PIK3CG: variants seen among roughly 807,000 people sequenced by gnomAD.
PIK3CG encodes phosphatidylinositol 4,5-bisphosphate 3-kinase catalytic subunit gamma isoform.
PIK3CG carries 55 observed loss-of-function variants against 102.3 expected under a neutral mutation model. The ratio of observed to expected loss-of-function variants is 0.54; its 90% confidence interval spans 0.43 to 0.67. PIK3CG has a LOEUF of 0.67. PIK3CG is among the 30% of genes least tolerant of loss of function. The pLI is 0.00. For missense variants in PIK3CG, 1,258 were observed against 1,391.8 expected, an observed-to-expected ratio of 0.90 and a Z score of 1.53; for synonymous variants, 552 against 540.0, an observed-to-expected ratio of 1.02 and a Z score of -0.31.
In PIK3CG at chr7:106,867,848, T is replaced by G; in HGVS notation, c.287T>G (p.Phe96Cys). 6.2e-7 allele frequency: 1 copy of G among 1,612,762 alleles called. No homozygotes were observed. Among genetic ancestry groups the G allele is most frequent in the Non-Finnish European group, 8.5e-7 (1 of 1,179,972 alleles). ...TACCACCGGCTGGGACCGCATCACT[T>G]CCTCCTGCTCTATCAGAAGAAGGGG... Reference protein sequence around the residue: ...DFYHRLGPHHFLLLYQKKGQW... With the variant: ...DFYHRLGPHHCLLLYQKKGQW... Residue 96 changes from phenylalanine (F) to cysteine (C), a missense_variant, in exon 2 of 11, where the codon TTC becomes TGC. This residue lies in a region of PIK3CG where 832 missense variants were observed against 787.5 expected (regional missense o/e 1.06). Transcript: ENST00000496166. The surrounding 1 kb of genome is among the most constrained non-coding windows in gnomAD (Gnocchi z 5.1).
chr7:106,871,758 A>G (rs1790536612), intron 2 of PIK3CG, among the ~76,000 whole-genome samples: 2 of 152,234 alleles, frequency 1.3e-5, no homozygotes, highest in South Asian at 4.1e-4. Flanking sequence ...CACTCACAAG[A>G]TTTAATTGTG....
At position 106,877,958 on chromosome 7, in the gene PIK3CG, A is replaced by G. The variant is rs1447446011; in HGVS notation, c.2392-1561A>G. 6.6e-6 allele frequency among the ~76,000 whole-genome samples: 1 copy of G among 152,232 alleles called. No homozygotes were observed. Among genetic ancestry groups the G allele is most frequent in the East Asian group, 1.9e-4 (1 of 5,204 alleles). ...AAAAAATAGACTTAACAGACTTAAT[A>G]GATGAAATAATTTTTAACTATTCAC... On this transcript the variant is annotated intron_variant, in intron 5 of 10. Coordinates refer to ENST00000496166, the MANE Select transcript of PIK3CG (RefSeq NM_001282426.2). This position sits in a 1 kb window ranked among gnomAD's most constrained non-coding sequence, Gnocchi z 4.5.
chr7:106,867,614 GA>G lies in PIK3CG; in HGVS notation c.55del (p.Arg19GlyfsTer5). ...GTGGTGCTGAGAGAGGACAACTGCC[GA>G]AGGCGCCGGAGGATGAAGCCGCGCA... The part of the protein sequence containing the change: ...QPVVLREDNC[R>X]RRRRMKPRSA... On this transcript the variant is annotated frameshift_variant, in exon 2 of 11. Coordinates refer to ENST00000496166, the MANE Select transcript of PIK3CG (RefSeq NM_001282426.2). LOFTEE classifies it high-confidence loss of function. This position sits in a 1 kb window ranked among gnomAD's most constrained non-coding sequence, Gnocchi z 5.1. 1 of 1,609,310 alleles carries G rather than the reference GA, an allele frequency of 6.2e-7. No individual in the cohort carries two copies. Among genetic ancestry groups the G allele is most frequent in the Non-Finnish European group, 8.5e-7 (1 of 1,178,146 alleles).
Position 106,883,180 on chromosome 7 carries a change from T to C in PIK3CG, c.2760+17T>C. Reference sequence around the variant, plus strand: ...GAAGAAAAGGTGAGCTCATGCTTTTTCCCAGTCTAATGGCTCCTTACAAGT... The same window carrying C: ...GAAGAAAAGGTGAGCTCATGCTTTTCCCCAGTCTAATGGCTCCTTACAAGT... On this transcript the variant is annotated intron_variant, in intron 8 of 10. Coordinates refer to ENST00000496166, the MANE Select transcript of PIK3CG (RefSeq NM_001282426.2). This position sits in a 1 kb window ranked among gnomAD's most constrained non-coding sequence, Gnocchi z 5.8. 1.9e-6 allele frequency: 3 copies of C among 1,613,940 alleles called. No homozygotes were observed. Among genetic ancestry groups the C allele is most frequent in the Non-Finnish European group, 2.5e-6 (3 of 1,179,864 alleles).
Position 106,902,031 on chromosome 7 carries a change from G to A in PIK3CG, c.3031-3078G>A, listed in dbSNP as rs967300396. On this transcript the variant is annotated intron_variant, in intron 10 of 10. Transcript: ENST00000496166. The surrounding 1 kb of genome is among the most constrained non-coding windows in gnomAD (Gnocchi z 4.3). ...TGTAGATCATGACTTGGCACTCCTCGGATGCCCACTGCAGCTCTTGTGTAA... is the reference window on the plus strand; with the variant it reads ...TGTAGATCATGACTTGGCACTCCTCAGATGCCCACTGCAGCTCTTGTGTAA... Among the ~76,000 whole-genome samples, 1 of 152,142 alleles carries A rather than the reference G, an allele frequency of 6.6e-6. No homozygotes were observed. Among genetic ancestry groups the A allele is most frequent in the African/African-American group, 2.4e-5 (1 of 41,406 alleles).
At position 106,867,981 on chromosome 7, in the gene PIK3CG, G is replaced by A. The variant is rs560544117; in HGVS notation, c.420G>A (p.Arg140=). Residue 140 remains arginine (R), a synonymous_variant, in exon 2 of 11, where the codon CGG becomes CGA. Transcript: ENST00000496166. This position sits in a 1 kb window ranked among gnomAD's most constrained non-coding sequence, Gnocchi z 5.1. ...RSPGQIHLVQ[R]HPPSEESQAF... ...CGGGCCAGATCCACCTGGTGCAGCGGCACCCGCCCTCCGAGGAGTCCCAAG... is the reference window on the plus strand; with the variant it reads ...CGGGCCAGATCCACCTGGTGCAGCGACACCCGCCCTCCGAGGAGTCCCAAG... 13 of 1,612,158 alleles carry A rather than the reference G, an allele frequency of 8.1e-6. No individual in the cohort carries two copies. The African/African-American group carries it at 1.3e-4, about 17-fold the overall frequency.
rs1451195790 is a variant in PIK3CG at position 106,897,711 on chromosome 7, T to C, written c.3031-7398T>C. 6.6e-6 allele frequency among the ~76,000 whole-genome samples: 1 copy of C among 152,238 alleles called. No homozygotes were observed. Among genetic ancestry groups the C allele is most frequent in the Non-Finnish European group, 1.5e-5 (1 of 68,034 alleles). ...CCATGTTCCCGCAAAAGACATGATC[T>C]CATTCTTTTTTATGGCTGCATAGTA... is the stretch of plus-strand genomic sequence containing the variant. On this transcript the variant is annotated intron_variant, in intron 10 of 10. Transcript: ENST00000496166. This position sits in a 1 kb window ranked among gnomAD's most constrained non-coding sequence, Gnocchi z 4.6.
intron 5 of PIK3CG, among the ~76,000 whole-genome samples, chr7:106,875,025 T>C (rs1276751542): frequency 6.6e-6 from 1 of 152,196 alleles, no homozygotes; most frequent in Non-Finnish European, 1.5e-5. Context: ...TGAGATATTC[T>C]TTGTATACAA....
chr7:106,889,057 CT>C (rs1223553752), intron 10 of PIK3CG, among the ~76,000 whole-genome samples: 3 of 152,092 alleles, frequency 2.0e-5, no homozygotes, highest in Non-Finnish European at 2.9e-5. Context: ...ACTTTGAAAA[CT>C]TTTAAGTTGA....
rs776226481 is a variant in PIK3CG, at chr7:106,877,341, G to A, written c.2392-2178G>A. The stretch of plus-strand genomic sequence containing the variant: ...TGCTATTGGCATCTAGTGGGTAGAG[G>A]CCAGGGATGCTGCCAAATACCCTGC... On this transcript the variant is annotated intron_variant, in intron 5 of 10. Transcript: ENST00000496166. This position sits in a 1 kb window ranked among gnomAD's most constrained non-coding sequence, Gnocchi z 4.5. Among the ~76,000 whole-genome samples, 1 of 152,186 alleles carries A rather than the reference G, an allele frequency of 6.6e-6. No homozygotes were observed. Among genetic ancestry groups the A allele is most frequent in the Non-Finnish European group, 1.5e-5 (1 of 68,032 alleles).
chr7:106,902,116 G>C lies in PIK3CG; in HGVS notation c.3031-2993G>C, dbSNP rs1348699546. On this transcript the variant is annotated intron_variant, in intron 10 of 10. Coordinates refer to ENST00000496166, the MANE Select transcript of PIK3CG (RefSeq NM_001282426.2). The surrounding 1 kb of genome is among the most constrained non-coding windows in gnomAD (Gnocchi z 4.3). Reference sequence around the variant, plus strand: ...CAGCAGAGGAAGGGACTTTGGTATTGGTTGTGGCCAAGGGTCATTTGCTTG... The same window carrying C: ...CAGCAGAGGAAGGGACTTTGGTATTCGTTGTGGCCAAGGGTCATTTGCTTG... Among the ~76,000 whole-genome samples the C allele has an allele frequency of 6.6e-6, 1 of 152,168 alleles. No homozygotes were observed. Among genetic ancestry groups the C allele is most frequent in the Non-Finnish European group, 1.5e-5 (1 of 68,030 alleles).
In PIK3CG at chr7:106,906,002, T is replaced by C. The variant is rs1162706549; in HGVS notation, c.*615T>C. On this transcript the variant is annotated 3_prime_UTR_variant, in exon 11 of 11. Coordinates refer to ENST00000496166, the MANE Select transcript of PIK3CG (RefSeq NM_001282426.2). ...AGGAGAAATCTAAACCGTTGTGCCT[T>C]GACCTTCCTCTGCTGGTCTTGTTCC... The C allele has an allele frequency of 1.3e-5, 3 of 227,338 alleles. No homozygotes were observed. Among genetic ancestry groups the C allele is most frequent in the African/African-American group, 6.7e-5 (3 of 44,874 alleles). The allele number at this position is 227,338 out of a possible 1,614,324, so 14.1% of individuals were successfully genotyped here.
intron 10 of PIK3CG, among the ~76,000 whole-genome samples, chr7:106,898,737 T>C (rs1472571432): frequency 6.6e-6 from 1 of 152,214 alleles, no homozygotes; most frequent in Non-Finnish European, 1.5e-5. Context: ...CTTTGGTCTC[T>C]GTGCCTGTTT....
chr7:106,873,447 A>G (rs548334182), intron 4 of PIK3CG, among the ~76,000 whole-genome samples: 6 of 152,304 alleles, frequency 3.9e-5, no homozygotes, highest in African/African-American at 1.4e-4. Flanking sequence ...AACATTTGGG[A>G]AAAAAATTGC....
At chr7:106,871,410 A>G (rs76535655) in intron 2 of PIK3CG, among the ~76,000 whole-genome samples, 1 of 152,234 alleles carries the variant, frequency 6.6e-6, no homozygotes, top group Non-Finnish European at 1.5e-5. Context: ...AAACACTTGT[A>G]TAATTGAAAC....
At chr7:106,876,446 C>T (rs2116508583) in intron 5 of PIK3CG, among the ~76,000 whole-genome samples, 1 of 149,922 alleles carries the variant, frequency 6.7e-6, no homozygotes, top group Non-Finnish European at 1.5e-5. Flanking sequence ...GGGTGGAGTG[C>T]AGAGGCACGA....
rs1439907694 is a variant in PIK3CG, at chr7:106,899,507, A to C, written c.3031-5602A>C. ...TAATGTTGGCTGTGGGTTTGTCATA[A>C]ATGGCTCTCATTATTTTGAGATATG... On this transcript the variant is annotated intron_variant, in intron 10 of 10. Transcript: ENST00000496166. The surrounding 1 kb of genome is among the most constrained non-coding windows in gnomAD (Gnocchi z 4.6). Among the ~76,000 whole-genome samples the C allele has an allele frequency of 6.6e-6, 1 of 152,114 alleles. No individual in the cohort carries two copies. Among genetic ancestry groups the C allele is most frequent in the Non-Finnish European group, 1.5e-5 (1 of 68,006 alleles).
chr7:106,876,524 TG>T (rs1264004235), intron 5 of PIK3CG, among the ~76,000 whole-genome samples: 2 of 151,550 alleles, frequency 1.3e-5, no homozygotes, highest in Non-Finnish European at 2.9e-5. Flanking sequence ...CCCAAGTAGC[TG>T]GGACTACAGG....
At position 106,908,115 on chromosome 7, in the gene PIK3CG, T is replaced by G. The variant is rs187252270; in HGVS notation, c.*2728T>G. 1.3e-5 allele frequency among the ~76,000 whole-genome samples: 2 copies of G among 152,242 alleles called. No individual in the cohort carries two copies. Among genetic ancestry groups the G allele is most frequent in the East Asian group, 3.9e-4 (2 of 5,178 alleles). On this transcript the variant is annotated 3_prime_UTR_variant, in exon 11 of 11. Transcript: ENST00000496166. This position sits in a 1 kb window ranked among gnomAD's most constrained non-coding sequence, Gnocchi z 4.1. ...ATGAATCAGGCCAAAGCAACTTTTA[T>G]GTATATCTAGGACTGGCGACATAAT...
Sources: gnomAD v4.1 joint callset for allele counts (sites outside exome capture counted in the v4.1 genomes callset) on GRCh38, gnomAD v4.1.1 for gene constraint, gnomAD v4.1.1 regional missense constraint, Gnocchi (gnomAD v3.1) non-coding constraint, MANE v1.5 for transcripts, NCBI Gene and HGNC (gene_info 2026-07-23, HGNC 2026-07-21) for gene names.